UBOX5: variants seen among roughly 807,000 people sequenced by gnomAD.
UBOX5 encodes the protein U-box domain containing 5.
In UBOX5, 28 loss-of-function variants were observed where a neutral mutation model predicts 39.0. That is an observed-to-expected ratio of 0.72 (90% CI 0.53 to 0.98). UBOX5 has a LOEUF of 0.98. UBOX5 is among the 50% of genes least tolerant of loss of function. UBOX5 has a pLI of 0.00. For synonymous variants in UBOX5, 283 were observed against 275.5 expected (o/e 1.03, Z -0.27); for missense variants, 585 against 674.4 (o/e 0.87, Z 1.47).
chr20:3,120,123 T>C (rs369940112), intron 3 of UBOX5, among the ~76,000 whole-genome samples: 2 of 151,996 alleles, frequency 1.3e-5, no homozygotes, highest in African/African-American at 4.8e-5. Flanking sequence ...CCGAGGCAGG[T>C]GGATCACGAG....
At chr20:3,155,660 G>A (rs1227186019) in intron 1 of UBOX5, among the ~76,000 whole-genome samples, 1 of 152,188 alleles carries the variant, frequency 6.6e-6, no homozygotes, top group African/African-American at 2.4e-5. Flanking sequence ...CATGTATTAT[G>A]AAGATATTAT....
chr20:3,150,079 C>T (rs1213747033), intron 1 of UBOX5, among the ~76,000 whole-genome samples: 3 of 151,896 alleles, frequency 2.0e-5, no homozygotes, highest in Admixed American at 2.0e-4. Context: ...GTTCTTATAG[C>T]GCAAAACTGT....
intron 1 of UBOX5, among the ~76,000 whole-genome samples, chr20:3,125,243 G>A (rs1310457126): frequency 2.7e-5 from 4 of 149,370 alleles, no homozygotes; most frequent in African/African-American, 7.5e-5. Flanking sequence ...TCTGGGAAGT[G>A]AGGAGTGCCT....
At chr20:3,150,345 C>A (rs2066612065) in intron 1 of UBOX5, among the ~76,000 whole-genome samples, 1 of 152,080 alleles carries the variant, frequency 6.6e-6, no homozygotes, top group South Asian at 2.1e-4. Flanking sequence ...TCAGGGAACG[C>A]CAATTGACGC....
intron 1 of UBOX5, among the ~76,000 whole-genome samples, chr20:3,137,532 G>A (rs1400670278): frequency 6.6e-6 from 1 of 152,268 alleles, no homozygotes; most frequent in South Asian, 2.1e-4. Flanking sequence ...GCCTCCCAAA[G>A]TGTTGGGATT....
intron 3 of UBOX5, among the ~76,000 whole-genome samples, chr20:3,117,095 CAA>C (rs934643476): frequency 7.1e-6 from 1 of 139,992 alleles, no homozygotes. Context: ...GACTCCATCT[CAA>C]AAAAAAAAAG....
Position 3,109,878 on chromosome 20 carries a change from G to A in UBOX5, c.*228C>T, listed in dbSNP as rs1419296463. 1.3e-5 allele frequency: 8 copies of A among 593,714 alleles called. No individual in the cohort carries two copies. The Admixed American group carries it at 1.8e-4, about 13-fold the overall frequency. 36.8% of individuals were successfully genotyped at this position (593,714 alleles called of 1,614,324 possible). ...GTCCTGGGCTCAGGCAGGGGGGGTG[G>A]CAGGGAGGCAGGGACATCCCCCCGC... On this transcript the variant is annotated 3_prime_UTR_variant, in exon 5 of 5. Coordinates refer to ENST00000217173, the MANE Select transcript of UBOX5 (RefSeq NM_014948.4).
intron 1 of UBOX5, among the ~76,000 whole-genome samples, chr20:3,126,812 G>A (rs2066392759): frequency 2.0e-5 from 3 of 152,022 alleles, no homozygotes; most frequent in Admixed American, 2.0e-4. Flanking sequence ...GAGGCAGGCA[G>A]ATCACCTGAG....
intron 1 of UBOX5, chr20:3,147,625 C>T (rs368278630): frequency 1.2e-6 from 2 of 1,614,198 alleles, no homozygotes; most frequent in Non-Finnish European, 1.7e-6. Flanking sequence ...GAAAGTACTC[C>T]AAAAATGCCA....
At chr20:3,145,176 A>G (rs2066549583) in intron 1 of UBOX5, among the ~76,000 whole-genome samples, 2 of 151,070 alleles carry the variant, frequency 1.3e-5, no homozygotes, top group African/African-American at 4.9e-5. Context: ...TTTTTTTGAC[A>G]GGGTCTCACT....
chr20:3,157,823 C>T (rs1222725693), intron 1 of UBOX5, among the ~76,000 whole-genome samples: 5 of 152,132 alleles, frequency 3.3e-5, no homozygotes, highest in Non-Finnish European at 5.9e-5. Flanking sequence ...GTTTTATCTG[C>T]TTTTACAATT....
At chr20:3,141,607 T>C (rs1027215706) in intron 1 of UBOX5, among the ~76,000 whole-genome samples, 34 of 152,050 alleles carry the variant, frequency 2.2e-4, no homozygotes, top group African/African-American at 8.2e-4. Context: ...GATTATGCCA[T>C]TGCACTCCGG....
intron 1 of UBOX5, among the ~76,000 whole-genome samples, chr20:3,125,469 G>A (rs1301196455): frequency 6.8e-6 from 1 of 146,882 alleles, no homozygotes; most frequent in Non-Finnish European, 1.5e-5. Flanking sequence ...TCTGAGAAGT[G>A]AGGAGTACCT....
intron 1 of UBOX5, among the ~76,000 whole-genome samples, chr20:3,129,484 T>C (rs1011230035): frequency 6.6e-6 from 1 of 152,138 alleles, no homozygotes; most frequent in African/African-American, 2.4e-5. Context: ...TACCACTCCA[T>C]TGAGCTGACC....
chr20:3,159,613 G>A (rs966945016), intron 1 of UBOX5, among the ~76,000 whole-genome samples, 153 bp downstream of exon 1: 1 of 152,280 alleles, frequency 6.6e-6, no homozygotes, highest in Non-Finnish European at 1.5e-5. Flanking sequence ...GCCTGCGAGA[G>A]GCACTGGCAA....
chr20:3,136,237 C>CT (rs11379509), intron 1 of UBOX5: 41,610 of 146,106 alleles, frequency 0.28, 8,051 homozygotes, highest in East Asian at 0.79. Flanking sequence ...TCTTTTTATT[C>CT]TTTTTTTTTT....
rs558768685 is a variant in UBOX5 at position 3,113,669 on chromosome 20, C to T, written c.1417+1636G>A. 8.5e-5 allele frequency among the ~76,000 whole-genome samples: 13 copies of T among 152,188 alleles called. 1 individual carries two copies. The highest frequency in any genetic ancestry group is 8.5e-4 in the Admixed American group (13 of 15,274). Reference sequence around the variant, plus strand: ...AGGATGGACAGGACCTGATAATGAACAGAATGTCAGGATGGGGACACTGAA... The same window carrying T: ...AGGATGGACAGGACCTGATAATGAATAGAATGTCAGGATGGGGACACTGAA... On this transcript the variant is annotated intron_variant, in intron 4 of 4. Transcript: ENST00000217173.
chr20:3,115,251 A>G, intron 4 of UBOX5, 54 bp downstream of exon 4: 1 of 1,554,888 alleles, frequency 6.4e-7, no homozygotes, highest in Non-Finnish European at 8.7e-7. Context: ...ATCCAGAGAC[A>G]GAAAACAGAC....
intron 1 of UBOX5, among the ~76,000 whole-genome samples, chr20:3,137,116 C>T (rs191326664): frequency 3.8e-4 from 58 of 150,858 alleles, no homozygotes; most frequent in Non-Finnish European, 4.4e-5. Context: ...GGCTAATTTT[C>T]GCATTTTCAG....
Sources: gnomAD v4.1 joint callset for allele counts (sites outside exome capture counted in the v4.1 genomes callset) on GRCh38, gnomAD v4.1.1 for gene constraint, MANE v1.5 for transcripts, NCBI Gene and HGNC (gene_info 2026-07-23, HGNC 2026-07-21) for gene names.